The following THAP9 variants were observed in gnomAD, a reference collection of about 807,000 sequenced individuals.
The protein encoded by THAP9 is THAP domain containing 9.
THAP9 carries 20 observed loss-of-function variants against 35.7 expected under a neutral mutation model. The ratio of observed to expected loss-of-function variants is 0.56; its 90% CI spans 0.39 to 0.81. The LOEUF is 0.81. Ranked by LOEUF, THAP9 falls within the 40% of genes least tolerant of loss-of-function variation. THAP9 has a pLI of 0.00. For synonymous variants in THAP9, 335 were observed against 373.7 expected, an observed-to-expected ratio of 0.90 and a Z score of 1.19; for missense variants, 870 against 1,047.4, an observed-to-expected ratio of 0.83 and a Z score of 2.34.
At chr4:82,908,029 A>G in intron 4 of THAP9, 94 bp downstream of exon 4, 1 of 1,293,418 alleles carries the variant, frequency 7.7e-7, no homozygotes, top group Non-Finnish European at 1.1e-6. Flanking sequence ...GTTAAACCAT[A>G]TTATTCTTTT....
chr4:82,905,084 AATT>A (rs1720590112), intron 2 of THAP9, 153 bp downstream of exon 2: 1 of 603,222 alleles, frequency 1.7e-6, no homozygotes, highest in Non-Finnish European at 2.8e-6. Flanking sequence ...TTAAAAAAAA[AATT>A]ATATATATTA....
At chr4:82,909,581 A>G (rs1720790549) in intron 4 of THAP9, among the ~76,000 whole-genome samples, 1 of 152,078 alleles carries the variant, frequency 6.6e-6, no homozygotes, top group Non-Finnish European at 1.5e-5. Flanking sequence ...TAGCTGCATG[A>G]TATCAGGTAG....
chr4:82,900,866 G>A lies in THAP9; in HGVS notation c.64G>A (p.Gly22Ser). ...TGACACCGTGCTCAGCCGGGAGCGC[G>A]GCCTCTCCTTCCACCAGTGCGTATG... ...TRDTVLSRER[G>S]LSFHQFPTDT... Residue 22 changes from glycine (G) to serine (S), a missense_variant, in exon 1 of 5, where the codon GGC (glycine) becomes AGC (serine). This residue lies in a region of THAP9 where 440 missense variants were observed against 501.2 expected (regional missense o/e 0.88). Coordinates refer to ENST00000302236, the MANE Select transcript of THAP9 (RefSeq NM_024672.6). The A allele has an allele frequency of 6.2e-7, 1 of 1,613,436 alleles. No homozygotes were observed. Among genetic ancestry groups the A allele is most frequent in the Non-Finnish European group, 8.5e-7 (1 of 1,180,014 alleles).
At chr4:82,915,676 T>C (rs1721012585) in intron 4 of THAP9, among the ~76,000 whole-genome samples, 1 of 152,176 alleles carries the variant, frequency 6.6e-6, no homozygotes, top group South Asian at 2.1e-4. Flanking sequence ...CCTTGGTATA[T>C]GTGGGGGATT....
intron 4 of THAP9, among the ~76,000 whole-genome samples, 198 bp from the exon 5 acceptor site, chr4:82,916,746 A>G (rs188900763): frequency 6.6e-6 from 1 of 152,194 alleles, no homozygotes; most frequent in Non-Finnish European, 1.5e-5. Context: ...TTAAAATACT[A>G]CTTTGTGTTT....
intron 1 of THAP9, among the ~76,000 whole-genome samples, chr4:82,903,820 A>G (rs1720524952): frequency 6.6e-6 from 1 of 152,158 alleles, no homozygotes; most frequent in Admixed American, 6.5e-5. Flanking sequence ...CTAACTCAAC[A>G]TGGCCTTTGA....
Position 82,917,832 on chromosome 4 carries a change from C to T in THAP9, c.1620C>T (p.Tyr540=). The change falls in exon 5 of 5, where the codon TAC becomes TAT. Residue 540 remains tyrosine, a synonymous_variant. Transcript: ENST00000302236. ...GLKGPLLPET[Y]SKINHVLIEA... is the part of the protein sequence containing the mutation. ...AAGGGCCTCTGTTGCCTGAAACTTA[C>T]AGTAAAATAAACCACGTGTTAATTG... 1 of 1,613,488 alleles carries T rather than the reference C, an allele frequency of 6.2e-7. No individual in the cohort carries two copies. The highest frequency in any genetic ancestry group is 8.5e-7 in the Non-Finnish European group (1 of 1,179,936).
At chr4:82,912,077 G>A (rs1298730925) in intron 4 of THAP9, among the ~76,000 whole-genome samples, 1 of 152,042 alleles carries the variant, frequency 6.6e-6, no homozygotes, top group Non-Finnish European at 1.5e-5. Context: ...ACTGATGTTG[G>A]ATCCTTTTTC....
chr4:82,900,928 C>G (rs1478247232), intron 1 of THAP9, 46 bp downstream of exon 1: 3 of 1,606,642 alleles, frequency 1.9e-6, no homozygotes, highest in Non-Finnish European at 1.7e-6. Context: ...CCTGCGGGGC[C>G]CGGCGGGCCG....
At chr4:82,911,963 T>C (rs886701437) in intron 4 of THAP9, among the ~76,000 whole-genome samples, 10 of 152,212 alleles carry the variant, frequency 6.6e-5, no homozygotes, top group Non-Finnish European at 1.2e-4. Context: ...CTTAAATTTT[T>C]TTAAAACCCT....
intron 4 of THAP9, among the ~76,000 whole-genome samples, chr4:82,913,801 A>G (rs904334754): frequency 1.3e-5 from 2 of 150,444 alleles, no homozygotes; most frequent in Admixed American, 6.6e-5. Context: ...TAGTGGTGTA[A>G]TCTTGGCTCA....
At chr4:82,916,625 G>GT (rs1204914472) in intron 4 of THAP9, among the ~76,000 whole-genome samples, 3 of 152,174 alleles carry the variant, frequency 2.0e-5, no homozygotes, top group African/African-American at 7.2e-5. Context: ...GAATTTACAG[G>GT]TAAGACTTGT....
chr4:82,901,216 A>G (rs1423765479), intron 1 of THAP9: 1 of 553,656 alleles, frequency 1.8e-6, no homozygotes, highest in African/African-American at 1.9e-5. Context: ...CAACGGTTGA[A>G]GTGTGTGTGT....
chr4:82,910,589 C>T (rs1183236457), intron 4 of THAP9: 1 of 313,244 alleles, frequency 3.2e-6, no homozygotes, highest in African/African-American at 2.2e-5. Context: ...TATACGTTTC[C>T]ATTTATTTTC....
intron 3 of THAP9, among the ~76,000 whole-genome samples, chr4:82,906,838 C>T (rs781094767): frequency 2.0e-5 from 3 of 152,034 alleles, no homozygotes; most frequent in Admixed American, 1.3e-4. Context: ...ATAGGAAAAG[C>T]AAAGAAATAT....
chr4:82,908,077 T>C, intron 4 of THAP9, 142 bp downstream of exon 4: 1 of 822,888 alleles, frequency 1.2e-6, no homozygotes, highest in Non-Finnish European at 1.8e-6. Context: ...GTACTCATAC[T>C]CCCATTTAAA....
Position 82,917,282 on chromosome 4 carries a change from C to G in THAP9, c.1070C>G (p.Thr357Ser). ...GYLQAQLLRLTIGKLSDIGIT... is the reference protein window; with the variant it reads ...GYLQAQLLRLSIGKLSDIGIT... ...TTGCAGGCTCAGCTGCTTCGTCTGA[C>G]TATTGGTAAACTGAGTGACATAGGA... Residue 357 changes from threonine (T) to serine (S), a missense_variant, in exon 5 of 5, where the codon ACT (threonine) becomes AGT (serine). Thr to Ser is a moderately conservative substitution (Grantham distance 58). Transcript: ENST00000302236. 6.2e-7 allele frequency: 1 copy of G among 1,614,072 alleles called. No homozygotes were observed. The highest frequency in any genetic ancestry group is 1.1e-5 in the South Asian group (1 of 91,078).
intron 4 of THAP9, among the ~76,000 whole-genome samples, chr4:82,915,022 A>G (rs547880444): frequency 6.6e-5 from 10 of 152,288 alleles, no homozygotes; most frequent in African/African-American, 2.4e-4. Context: ...TCTTCTGCAT[A>G]TGGCTAGCCA....
intron 4 of THAP9, among the ~76,000 whole-genome samples, 181 bp downstream of exon 4, chr4:82,908,116 G>A (rs1484876467): frequency 6.6e-6 from 1 of 152,018 alleles, no homozygotes; most frequent in Non-Finnish European, 1.5e-5. Context: ...ATGAAAAAAT[G>A]GACTCCCATT....
Sources: allele counts gnomAD v4.1 joint callset (sites outside exome capture counted in the v4.1 genomes callset), GRCh38; gene constraint gnomAD v4.1.1; regional missense constraint gnomAD v4.1.1; transcripts MANE v1.5; gene names NCBI Gene and HGNC (gene_info 2026-07-23, HGNC 2026-07-21).